RGS7: variants seen among roughly 807,000 people sequenced by gnomAD.
RGS7 encodes the protein regulator of G protein signaling 7.
RGS7 carries 27 observed loss-of-function variants against 81.1 expected under a neutral mutation model. That is an observed-to-expected ratio of 0.33 (90% CI 0.25 to 0.46). RGS7 has a LOEUF of 0.46. RGS7 is among the 20% of genes least tolerant of loss of function. The pLI, the probability that RGS7 is intolerant of heterozygous loss-of-function variation, is 1.00. For missense variants in RGS7, 396 were observed against 607.4 expected, an observed-to-expected ratio of 0.65 and a Z score of 3.66; for synonymous variants, 208 against 207.7, an observed-to-expected ratio of 1.00 and a Z score of -0.01.
chr1:240,782,547 C>T (rs183576777), intron 18 of RGS7, among the ~76,000 whole-genome samples: 11 of 152,222 alleles, frequency 7.2e-5, no homozygotes, highest in African/African-American at 1.9e-4. Flanking sequence ...CTCAGCCTCC[C>T]GAGTAGGTGA....
intron 1 of RGS7, 85 bp from the exon 2 acceptor site, chr1:241,355,911 G>A: frequency 2.6e-6 from 2 of 762,918 alleles, no homozygotes; most frequent in South Asian, 2.9e-5. Context: ...CACCCCACAT[G>A]GCGCGTTCTT....
At chr1:240,899,494 T>C (rs1321194574) in intron 6 of RGS7, among the ~76,000 whole-genome samples, 4 of 152,202 alleles carry the variant, frequency 2.6e-5, no homozygotes, top group Admixed American at 6.5e-5. Context: ...TGACAAAATC[T>C]CTCAGCAATT....
chr1:240,980,759 C>T (rs1369374937), intron 4 of RGS7, among the ~76,000 whole-genome samples: 3 of 152,084 alleles, frequency 2.0e-5, no homozygotes, highest in African/African-American at 7.2e-5. Context: ...TTCTTGAAAC[C>T]AGTACAGAGC....
intron 2 of RGS7, among the ~76,000 whole-genome samples, chr1:241,255,285 TATA>T (rs1392006686): frequency 6.6e-6 from 1 of 152,352 alleles, no homozygotes; most frequent in East Asian, 1.9e-4. Context: ...AGAGCCTATC[TATA>T]ATGTTTCAAT....
At chr1:240,860,235 T>C (rs922545006) in intron 9 of RGS7, among the ~76,000 whole-genome samples, 6 of 152,300 alleles carry the variant, frequency 3.9e-5, no homozygotes, top group African/African-American at 1.4e-4. Flanking sequence ...GAACTTCAGT[T>C]AAACCTTGTT....
intron 3 of RGS7, among the ~76,000 whole-genome samples, chr1:241,088,103 T>A (rs1344136789): frequency 6.6e-6 from 1 of 150,612 alleles, no homozygotes; most frequent in Admixed American, 6.6e-5. Context: ...GAAACTGGCT[T>A]AGACCTAAGG....
At chr1:241,237,085 A>G (rs1174116967) in intron 2 of RGS7, among the ~76,000 whole-genome samples, 1 of 152,240 alleles carries the variant, frequency 6.6e-6, no homozygotes, top group East Asian at 1.9e-4. Flanking sequence ...TGTGCAAGCC[A>G]GAGAAGGAAG....
chr1:241,288,399 C>T (rs1237859688), intron 2 of RGS7, among the ~76,000 whole-genome samples: 5 of 152,182 alleles, frequency 3.3e-5, no homozygotes, highest in East Asian at 1.9e-4. Flanking sequence ...CCTTCATCTC[C>T]GAGTGGGTAT....
intron 6 of RGS7, among the ~76,000 whole-genome samples, chr1:240,916,817 AT>A (rs1404166450): frequency 6.6e-6 from 1 of 152,164 alleles, no homozygotes; most frequent in Non-Finnish European, 1.5e-5. Flanking sequence ...GAGATAATAA[AT>A]TTCTATTGTC....
chr1:241,105,933 A>T (rs1195681172), intron 2 of RGS7, among the ~76,000 whole-genome samples: 1 of 152,214 alleles, frequency 6.6e-6, no homozygotes, highest in Non-Finnish European at 1.5e-5. Context: ...ATACTTTCAA[A>T]TTATGGTGTG....
intron 5 of RGS7, among the ~76,000 whole-genome samples, chr1:240,932,517 T>TTTTTTTTTC: frequency 6.8e-6 from 1 of 147,782 alleles, no homozygotes; most frequent in East Asian, 2.0e-4. Flanking sequence ...GTGTCACTTT[T>TTTTTTTTTC]TTTTTTTTTG....
chr1:241,117,273 G>T (rs1219211127), intron 2 of RGS7, among the ~76,000 whole-genome samples: 3 of 152,168 alleles, frequency 2.0e-5, no homozygotes, highest in Non-Finnish European at 2.9e-5. Flanking sequence ...ACATTGAAAT[G>T]CTCCTACTTC....
chr1:240,896,854 C>T (rs977749818), intron 6 of RGS7, among the ~76,000 whole-genome samples: 2 of 152,074 alleles, frequency 1.3e-5, no homozygotes, highest in African/African-American at 4.8e-5. Context: ...GATAGCATTG[C>T]ATCTATAAAT....
At chr1:241,308,973 T>C (rs1316876055) in intron 2 of RGS7, among the ~76,000 whole-genome samples, 1 of 152,202 alleles carries the variant, frequency 6.6e-6, no homozygotes, top group African/African-American at 2.4e-5. Flanking sequence ...GTGAGAGTGG[T>C]ATTCATGAGT....
intron 2 of RGS7, among the ~76,000 whole-genome samples, chr1:241,167,182 G>A (rs903011641): frequency 3.9e-5 from 6 of 152,340 alleles, no homozygotes; most frequent in Non-Finnish European, 7.3e-5. Context: ...TTCAGATGCA[G>A]TAACTGGTTA....
At chr1:240,937,245 G>A (rs544012379) in intron 4 of RGS7, among the ~76,000 whole-genome samples, 12 of 152,178 alleles carry the variant, frequency 7.9e-5, no homozygotes, top group South Asian at 4.1e-4. Flanking sequence ...TCCTTTGTTC[G>A]GTGTGCTCTC....
At chr1:241,235,620 C>T (rs1421795981) in intron 2 of RGS7, among the ~76,000 whole-genome samples, 954 of 46,928 alleles carry the variant, frequency 0.02, 9 homozygotes, top group Non-Finnish European at 0.031. Flanking sequence ...TCTTCCTTTC[C>T]CTTTTCTCTC....
chr1:241,277,142 T>C (rs2078236769), intron 2 of RGS7, among the ~76,000 whole-genome samples: 1 of 152,250 alleles, frequency 6.6e-6, no homozygotes, highest in African/African-American at 2.4e-5. Flanking sequence ...TCCTATTGTA[T>C]GCATTGCTCC....
At chr1:241,310,553 C>CTT (rs112549538) in intron 2 of RGS7, among the ~76,000 whole-genome samples, 85 of 135,890 alleles carry the variant, frequency 6.3e-4, no homozygotes, top group African/African-American at 2.2e-3. Flanking sequence ...AGGACTATGT[C>CTT]TTTTTTTTTT....
Sources: allele counts gnomAD v4.1 joint callset (sites outside exome capture counted in the v4.1 genomes callset), GRCh38; gene constraint gnomAD v4.1.1; transcripts MANE v1.5; gene names NCBI Gene and HGNC (gene_info 2026-07-23, HGNC 2026-07-21).